Variants in GREB1L observed in about 807,000 individuals in gnomAD.
GREB1L encodes GREB1 like retinoic acid receptor coactivator, also known as GREB1-like protein.
GREB1L carries 17 observed loss-of-function variants against 200.8 expected under a neutral mutation model. That is an observed-to-expected ratio of 0.08 (90% CI 0.06 to 0.13). The LOEUF (loss-of-function observed/expected upper bound fraction) is 0.13. Ranked by LOEUF, GREB1L falls within the 10% of genes least tolerant of loss-of-function variation. The pLI is 1.00. For missense variants in GREB1L, 1,657 were observed against 2,367.7 expected (o/e 0.70, Z 6.23); for synonymous variants, 789 against 893.0 (o/e 0.88, Z 2.08).
chr18:21,467,521 G>A (rs1598887395), intron 15 of GREB1L, among the ~76,000 whole-genome samples: 1 of 152,104 alleles, frequency 6.6e-6, no homozygotes, highest in Admixed American at 6.5e-5. Flanking sequence ...GGAGAAATGC[G>A]AATCAAAACC....
chr18:21,516,845 A>G (rs1210619255), intron 30 of GREB1L, 91 bp downstream of exon 30: 5 of 998,806 alleles, frequency 5.0e-6, no homozygotes, highest in Non-Finnish European at 4.2e-6. Flanking sequence ...AGCACTTTCT[A>G]TTTTATTAGA....
intron 21 of GREB1L, among the ~76,000 whole-genome samples, chr18:21,497,301 C>T (rs1007953495): frequency 4.6e-5 from 7 of 152,178 alleles, no homozygotes; most frequent in African/African-American, 1.7e-4. Flanking sequence ...GCAAATGCAG[C>T]ACTCTTTCCA....
At chr18:21,251,814 G>A (rs766193999) in intron 1 of GREB1L, among the ~76,000 whole-genome samples, 3 of 151,938 alleles carry the variant, frequency 2.0e-5, no homozygotes, top group Admixed American at 6.6e-5. Flanking sequence ...GCATGGTGGC[G>A]CATGCCTGTA....
intron 7 of GREB1L, among the ~76,000 whole-genome samples, chr18:21,421,242 G>A (rs538827380): frequency 3.3e-5 from 5 of 152,248 alleles, no homozygotes; most frequent in African/African-American, 1.2e-4. Flanking sequence ...ACCAAATTGT[G>A]TACTTTAAGT....
intron 1 of GREB1L, among the ~76,000 whole-genome samples, chr18:21,313,393 T>C (rs1004220088): frequency 1.1e-4 from 17 of 152,324 alleles, no homozygotes; most frequent in African/African-American, 4.1e-4. Flanking sequence ...AAGCCAATTA[T>C]TGTTATGAGC....
chr18:21,489,798 T>G (rs2036259548), intron 18 of GREB1L, among the ~76,000 whole-genome samples: 1 of 152,200 alleles, frequency 6.6e-6, no homozygotes, highest in Non-Finnish European at 1.5e-5. Flanking sequence ...TTTACTGTGC[T>G]GTACTTATCC....
chr18:21,465,974 A>G (rs2035248203), intron 15 of GREB1L, among the ~76,000 whole-genome samples: 1 of 152,124 alleles, frequency 6.6e-6, no homozygotes, highest in Non-Finnish European at 1.5e-5. Flanking sequence ...TTATAGTTTT[A>G]CCATAATGCC....
chr18:21,456,802 T>A (rs2145498449), intron 15 of GREB1L, among the ~76,000 whole-genome samples: 1 of 152,352 alleles, frequency 6.6e-6, no homozygotes, highest in Admixed American at 6.5e-5. Context: ...GGCTTCTTTC[T>A]GCATTTATTT....
Position 21,499,733 on chromosome 18 carries a change from C to T in GREB1L, c.3396C>T (p.Ser1132=). The T allele has an allele frequency of 6.5e-7, 1 of 1,550,302 alleles. No homozygotes were observed. The highest frequency in any genetic ancestry group is 8.7e-7 in the Non-Finnish European group (1 of 1,145,682). Residue 1132 remains serine (S), a synonymous_variant, in exon 22 of 33, where the codon TCC becomes TCT. Coordinates refer to ENST00000424526, the MANE Select transcript of GREB1L (RefSeq NM_001142966.3). ...GTTCTGTCTGTTCTCTCACAGGTTCCATCATGGAGAATGGAGTGAGCTCTT... is the reference window on the plus strand; with the variant it reads ...GTTCTGTCTGTTCTCTCACAGGTTCTATCATGGAGAATGGAGTGAGCTCTT... ...NSSAVTGTSG[S]IMENGVSSSS...
chr18:21,466,420 AT>A (rs955439621), intron 15 of GREB1L, among the ~76,000 whole-genome samples: 6 of 151,992 alleles, frequency 3.9e-5, no homozygotes, highest in African/African-American at 1.4e-4. Flanking sequence ...CCTCCTTAAA[AT>A]TTTTTTTATT....
intron 1 of GREB1L, among the ~76,000 whole-genome samples, chr18:21,246,137 G>A (rs536612603): frequency 6.6e-6 from 1 of 152,146 alleles, no homozygotes; most frequent in Admixed American, 6.5e-5. Flanking sequence ...GTAAATGGGT[G>A]GGTTCTAAAA....
At chr18:21,474,471 G>T (rs935981803) in intron 16 of GREB1L, among the ~76,000 whole-genome samples, 8 of 152,128 alleles carry the variant, frequency 5.3e-5, no homozygotes, top group African/African-American at 1.9e-4. Flanking sequence ...GCAAACTTTT[G>T]CCTGGGCATA....
chr18:21,389,089 C>T (rs1449968893), intron 4 of GREB1L, among the ~76,000 whole-genome samples: 1 of 152,138 alleles, frequency 6.6e-6, no homozygotes, highest in Non-Finnish European at 1.5e-5. Context: ...TTATACTCCA[C>T]ATCCTTGAGG....
rs73422021 is a variant in GREB1L, at chr18:21,260,655, G to A, written c.-120+18262G>A. Among the ~76,000 whole-genome samples, 1,141 of 150,012 alleles carry A rather than the reference G, an allele frequency of 7.6e-3. 16 individuals carry two copies. Among genetic ancestry groups the A allele is most frequent in the African/African-American group, 0.028 (1,099 of 39,724 alleles). The stretch of plus-strand genomic sequence containing the variant: ...TTTTCCCTTAACTCTTATATTTAAA[G>A]CATTAACATATAAATCTAATTAAAA... On this transcript the variant is annotated intron_variant, in intron 1 of 32. Transcript: ENST00000424526.
At chr18:21,378,357 C>T (rs2040162096) in intron 2 of GREB1L, among the ~76,000 whole-genome samples, 1 of 152,138 alleles carries the variant, frequency 6.6e-6, no homozygotes, top group Non-Finnish European at 1.5e-5. Context: ...TTACGTAATT[C>T]TTTACATTAC....
chr18:21,375,640 G>C (rs1359233141), intron 2 of GREB1L, among the ~76,000 whole-genome samples: 1 of 152,158 alleles, frequency 6.6e-6, no homozygotes, highest in Non-Finnish European at 1.5e-5. Context: ...TTAATGGTCT[G>C]AGTGATAAAG....
intron 1 of GREB1L, among the ~76,000 whole-genome samples, chr18:21,296,874 C>T (rs1173688098): frequency 5.3e-5 from 8 of 152,056 alleles, no homozygotes; most frequent in East Asian, 1.9e-4. Flanking sequence ...AGGCTGGTCT[C>T]GAACTCCTGA....
intron 1 of GREB1L, among the ~76,000 whole-genome samples, chr18:21,363,300 CACACA>C (rs1194232968): frequency 9.3e-6 from 1 of 107,302 alleles, no homozygotes; most frequent in African/African-American, 3.8e-5. Context: ...CCCCCCCCCC[CACACA>C]CACAAGAACT....
At chr18:21,498,581 C>G (rs1399517141) in intron 21 of GREB1L, among the ~76,000 whole-genome samples, 1 of 152,194 alleles carries the variant, frequency 6.6e-6, no homozygotes, top group Non-Finnish European at 1.5e-5. Context: ...CTTCCTCTCC[C>G]TCACTTGAGC....
Sources: gnomAD v4.1 joint callset for allele counts (sites outside exome capture counted in the v4.1 genomes callset) on GRCh38, gnomAD v4.1.1 for gene constraint, MANE v1.5 for transcripts, NCBI Gene and HGNC (gene_info 2026-07-23, HGNC 2026-07-21) for gene names.